The following NADK2 variants were observed in gnomAD, a reference collection of about 807,000 sequenced individuals.
The protein encoded by NADK2 is NAD kinase domain-containing protein 1, mitochondrial.
In NADK2, 35 loss-of-function variants were observed where a neutral mutation model predicts 62.1. That is an observed-to-expected ratio of 0.56 (90% CI 0.43 to 0.75). The LOEUF is 0.75. NADK2 is among the 30% of genes least tolerant of loss of function. The pLI, the probability that NADK2 is intolerant of heterozygous loss-of-function variation, is 0.00. For synonymous variants in NADK2, 205 were observed against 207.9 expected (o/e 0.99, Z 0.12); for missense variants, 439 against 561.3 (o/e 0.78, Z 2.20).
intron 8 of NADK2, among the ~76,000 whole-genome samples, chr5:36,206,695 T>G (rs1422664236): frequency 6.6e-6 from 1 of 152,016 alleles, no homozygotes; most frequent in Admixed American, 6.6e-5. Flanking sequence ...GAGTTTGTAC[T>G]CAGGAGAAAA....
chr5:36,213,563 A>G (rs1185351619), intron 6 of NADK2, among the ~76,000 whole-genome samples: 1 of 148,688 alleles, frequency 6.7e-6, no homozygotes, highest in African/African-American at 2.4e-5. Flanking sequence ...CTAAATTATC[A>G]GCTCAACTTC....
At chr5:36,202,072 T>C (rs1191152201) in intron 8 of NADK2, among the ~76,000 whole-genome samples, 6 of 152,090 alleles carry the variant, frequency 3.9e-5, no homozygotes, top group African/African-American at 1.2e-4. Flanking sequence ...TCTAAATTAC[T>C]GGCTCTTAAC....
rs1747641880 is a variant in NADK2, at chr5:36,229,902, C to G, written c.301-2337G>C. Among the ~76,000 whole-genome samples the G allele has an allele frequency of 2.6e-5, 4 of 151,248 alleles. 1 individual carries two copies. The South Asian group carries it at 8.5e-4, about 32-fold the overall frequency. On this transcript the variant is annotated intron_variant, in intron 1 of 11. Transcript: ENST00000381937. ...ATTCCCCACCTATGGCTTAAGCCAA[C>G]AGTCTAGAGTCACAGCCGATGCCTC...
intron 7 of NADK2, among the ~76,000 whole-genome samples, chr5:36,208,376 C>T (rs537763698): frequency 1.3e-5 from 2 of 152,020 alleles, no homozygotes; most frequent in East Asian, 3.9e-4. Context: ...ACAAGCCAGC[C>T]AAATCCATAG....
At chr5:36,225,510 A>C in intron 4 of NADK2, 32 bp downstream of exon 4, 2 of 1,583,804 alleles carry the variant, frequency 1.3e-6, no homozygotes, top group South Asian at 1.1e-5. Flanking sequence ...CACACCACAC[A>C]AATCAAACAA....
chr5:36,227,532 G>A lies in NADK2; in HGVS notation c.334C>T (p.Leu112Phe). 1 of 1,558,084 alleles carries A rather than the reference G, an allele frequency of 6.4e-7. No homozygotes were observed. Among genetic ancestry groups the A allele is most frequent in the East Asian group, 2.4e-5 (1 of 42,284 alleles). ...TTGGTGTGAATATGATGTCGTTCAA[G>A]AAGTCCACTGTAACTAGAGCCTTTC... is the stretch of plus-strand genomic sequence containing the variant. The part of the protein sequence containing the change: ...ALKGSSYSGL[L>F]ERHHIHTKNV... Residue 112 changes from leucine (L) to phenylalanine (F), a missense_variant, in exon 2 of 12, where the codon CTT becomes TTT. Coordinates refer to ENST00000381937, the MANE Select transcript of NADK2 (RefSeq NM_001085411.3).
chr5:36,199,805 T>C (rs181431172), intron 10 of NADK2, among the ~76,000 whole-genome samples: 96 of 152,112 alleles, frequency 6.3e-4, no homozygotes, highest in African/African-American at 2.1e-3. Flanking sequence ...CTTACAGGAA[T>C]CGTGAGGTAA....
At chr5:36,229,805 C>T (rs1398044034) in intron 1 of NADK2, among the ~76,000 whole-genome samples, 1 of 149,888 alleles carries the variant, frequency 6.7e-6, no homozygotes, top group Non-Finnish European at 1.5e-5. Context: ...ATACTGAATA[C>T]TTGAAATGCT....
At chr5:36,239,882 A>C (rs1748044032) in intron 1 of NADK2, among the ~76,000 whole-genome samples, 1 of 152,220 alleles carries the variant, frequency 6.6e-6, no homozygotes, top group Admixed American at 6.5e-5. Flanking sequence ...CACACATAGG[A>C]AGTTAACCAC....
intron 1 of NADK2, among the ~76,000 whole-genome samples, chr5:36,235,364 T>A (rs1045687829): frequency 6.6e-6 from 1 of 152,320 alleles, no homozygotes; most frequent in South Asian, 2.1e-4. Flanking sequence ...TAATGATCAT[T>A]ATTGTGGCTA....
chr5:36,231,418 GAACT>G (rs1433301062), intron 1 of NADK2, among the ~76,000 whole-genome samples: 18 of 152,166 alleles, frequency 1.2e-4, no homozygotes, highest in Non-Finnish European at 1.0e-4. Context: ...TTCTTCTTGT[GAACT>G]AACTTTCTAA....
chr5:36,226,427 A>G, intron 3 of NADK2, 48 bp downstream of exon 3: 1 of 1,428,322 alleles, frequency 7.0e-7, no homozygotes, highest in East Asian at 2.3e-5. Flanking sequence ...AATAATGTGT[A>G]TTAAACATTT....
At chr5:36,213,738 A>C (rs1746941648) in intron 6 of NADK2, among the ~76,000 whole-genome samples, 1 of 151,500 alleles carries the variant, frequency 6.6e-6, no homozygotes, top group South Asian at 2.1e-4. Flanking sequence ...ACAGTTTTAC[A>C]AACATAAATG....
chr5:36,217,715 T>C, intron 6 of NADK2, 33 bp downstream of exon 6: 5 of 1,612,858 alleles, frequency 3.1e-6, no homozygotes. Flanking sequence ...GTTAAATATT[T>C]CCCCAAACAC....
intron 4 of NADK2, among the ~76,000 whole-genome samples, chr5:36,224,556 CAA>C (rs756009943): frequency 4.3e-4 from 31 of 72,644 alleles, no homozygotes; most frequent in Non-Finnish European, 4.5e-4. Context: ...GACTCTGTCT[CAA>C]AAAAAAAAAA....
intron 1 of NADK2, among the ~76,000 whole-genome samples, chr5:36,236,867 C>A (rs903382153): frequency 6.4e-3 from 607 of 95,238 alleles, no homozygotes; most frequent in South Asian, 0.01. Context: ...AGCTTAACCT[C>A]AAAAAAAAAA....
chr5:36,217,278 G>T (rs982451676), intron 6 of NADK2, among the ~76,000 whole-genome samples: 1 of 152,084 alleles, frequency 6.6e-6, no homozygotes, highest in African/African-American at 2.4e-5. Flanking sequence ...AAAAAAAGCT[G>T]CCAAATCACC....
chr5:36,225,718 A>AC, intron 3 of NADK2, 95 bp from the exon 4 acceptor site: 1 of 1,030,354 alleles, frequency 9.7e-7, no homozygotes, highest in Non-Finnish European at 1.5e-6. Context: ...TAACAATCAT[A>AC]CCCCACCCTG....
Position 36,228,233 on chromosome 5 carries a change from T to A in NADK2, c.301-668A>T, listed in dbSNP as rs183561315. ...TTTTATAACTATCTTACCATTAAAA[T>A]TTTTTTAACTATGTTTCTTATGAAT... is the stretch of plus-strand genomic sequence containing the variant. On this transcript the variant is annotated intron_variant, in intron 1 of 11. Transcript: ENST00000381937. 3.9e-5 allele frequency among the ~76,000 whole-genome samples: 6 copies of A among 152,266 alleles called. No individual in the cohort carries two copies. In the East Asian group the frequency reaches 9.7e-4, roughly 24 times the overall value.
Sources: allele counts gnomAD v4.1 joint callset (sites outside exome capture counted in the v4.1 genomes callset), GRCh38; gene constraint gnomAD v4.1.1; transcripts MANE v1.5; gene names NCBI Gene and HGNC (gene_info 2026-07-23, HGNC 2026-07-21).